FGL1: variants seen among roughly 807,000 people sequenced by gnomAD.
FGL1 encodes fibrinogen like 1, also known as fibrinogen-like protein 1.
Under a neutral mutation model 43.7 loss-of-function variants are expected in FGL1, and 59 were observed. The observed-to-expected ratio is 1.35, with a 90% CI of 1.10 to 1.68. The LOEUF is 1.68. FGL1 is among the 40% of genes most tolerant of loss of function. The probability of loss-of-function intolerance (pLI) is 0.00; values close to 1 mark genes in which losing one functional copy is unlikely to be tolerated. For missense variants in FGL1, 596 were observed against 373.0 expected (o/e 1.60, Z -4.92); for synonymous variants, 192 against 126.5 (o/e 1.52, Z -3.48).
At chr8:17,885,407 C>A in intron 2 of FGL1, 85 bp downstream of exon 2, 3 of 1,145,756 alleles carry the variant, frequency 2.6e-6, no homozygotes, top group Non-Finnish European at 3.8e-6. Context: ...AATGACAAGT[C>A]ACTATAGGTT....
In FGL1 at chr8:17,875,597, C is replaced by A. The variant is rs1231031977; in HGVS notation, c.245-1076G>T. On this transcript the variant is annotated intron_variant, in intron 3 of 7. Transcript: ENST00000427924. ...TCTTTCTTTCTTTCTTTCTTTCTTT[C>A]TTTCTTTCTTTCTTTCTTTTCCTTT... Among the ~76,000 whole-genome samples, 59 of 140,328 alleles carry A rather than the reference C, an allele frequency of 4.2e-4. 4 individuals carry two copies. Among genetic ancestry groups the A allele is most frequent in the Admixed American group, 9.1e-4 (12 of 13,258 alleles). The allele number at this position is 140,328 out of a possible 152,430, so 92.1% of individuals were successfully genotyped here. A position where few individuals can be genotyped will look rare whatever the true frequency, so the allele number is the denominator to read the frequency against.
chr8:17,875,530 T>C (rs1431774113), intron 3 of FGL1, among the ~76,000 whole-genome samples: 333 of 11,984 alleles, frequency 0.028, 18 homozygotes, highest in African/African-American at 0.057. Flanking sequence ...TTTCTTTCTT[T>C]CTTTCTCTTT....
intron 5 of FGL1, among the ~76,000 whole-genome samples, chr8:17,870,768 T>C (rs1217295139): frequency 6.6e-6 from 1 of 151,974 alleles, no homozygotes; most frequent in Non-Finnish European, 1.5e-5. Flanking sequence ...TAGCTGGGCA[T>C]GGTGGCACGT....
chr8:17,895,364 G>C, intron 1 of FGL1, 83 bp downstream of exon 1: 1 of 1,233,814 alleles, frequency 8.1e-7, no homozygotes, highest in Non-Finnish European at 1.0e-6. Context: ...GTTGTTACCT[G>C]AGTTTTGGTT....
At chr8:17,871,361 G>A (rs942444167) in intron 5 of FGL1, among the ~76,000 whole-genome samples, 1 of 151,920 alleles carries the variant, frequency 6.6e-6, no homozygotes, top group African/African-American at 2.4e-5. Context: ...GGGTGTGGTG[G>A]TGTGCGCCTA....
intron 1 of FGL1, among the ~76,000 whole-genome samples, chr8:17,889,057 G>A (rs892875998): frequency 1.3e-5 from 2 of 152,150 alleles, no homozygotes; most frequent in South Asian, 2.1e-4. Flanking sequence ...CAAGCAGCCT[G>A]CGTGGCCTGG....
chr8:17,877,914 C>T (rs868444377), intron 3 of FGL1, among the ~76,000 whole-genome samples: 4 of 152,164 alleles, frequency 2.6e-5, no homozygotes, highest in Admixed American at 2.6e-4. Context: ...CTGGCATTCA[C>T]TGAGTACTTC....
At chr8:17,875,225 AG>A (rs1200928654) in intron 3 of FGL1, among the ~76,000 whole-genome samples, 3 of 152,326 alleles carry the variant, frequency 2.0e-5, no homozygotes, top group Admixed American at 6.5e-5. Context: ...CACAACATGC[AG>A]GTTTGTTACA....
At chr8:17,877,439 C>G (rs760577894) in intron 3 of FGL1, among the ~76,000 whole-genome samples, 6 of 152,094 alleles carry the variant, frequency 3.9e-5, no homozygotes, top group Non-Finnish European at 8.8e-5. Context: ...GCTTTTTCCT[C>G]TTGTCTCAGG....
At position 17,882,170 on chromosome 8, in the gene FGL1, C is replaced by A. The variant is rs1326697039; in HGVS notation, c.73G>T (p.Asp25Tyr). 1.2e-6 allele frequency: 2 copies of A among 1,612,736 alleles called. No homozygotes were observed. Among genetic ancestry groups the A allele is most frequent in the East Asian group, 2.2e-5 (1 of 44,862 alleles). Reference protein sequence around the residue: ...TMGREISALEDCAQEQMRLRA... With the variant: ...TMGREISALEYCAQEQMRLRA... ...AGCCGCATCTGCTCCTGGGCACAGT[C>A]CTCGAGCGCCTGCAAAACAGGTGAG... The change falls in exon 3 of 8, where the codon GAC becomes TAC. Residue 25 changes from aspartate (D) to tyrosine (Y), a missense_variant. By Grantham distance (160) the Asp-to-Tyr change is radical. Coordinates refer to ENST00000427924, the MANE Select transcript of FGL1 (RefSeq NM_004467.4).
At chr8:17,890,685 A>G (rs1281837823) in intron 1 of FGL1, among the ~76,000 whole-genome samples, 1 of 152,156 alleles carries the variant, frequency 6.6e-6, no homozygotes, top group East Asian at 1.9e-4. Flanking sequence ...TAAAGGAAAA[A>G]GGTTTAATTG....
intron 1 of FGL1, among the ~76,000 whole-genome samples, chr8:17,889,348 A>G (rs1179705016): frequency 6.6e-6 from 1 of 152,178 alleles, no homozygotes; most frequent in Non-Finnish European, 1.5e-5. Flanking sequence ...CCAGGAGTTC[A>G]AGACCAGCCT....
At chr8:17,894,775 A>G (rs976994048) in intron 1 of FGL1, among the ~76,000 whole-genome samples, 5 of 146,760 alleles carry the variant, frequency 3.4e-5, no homozygotes, top group Non-Finnish European at 5.9e-5. Flanking sequence ...TGGCTCTTGC[A>G]TAAATGGAAG....
At chr8:17,887,980 A>T (rs1386306731) in intron 1 of FGL1, among the ~76,000 whole-genome samples, 1 of 152,074 alleles carries the variant, frequency 6.6e-6, no homozygotes, top group Admixed American at 6.6e-5. Context: ...TTTAAAATTC[A>T]ATTGTATATT....
chr8:17,868,623 C>G lies in FGL1; in HGVS notation c.704G>C (p.Ser235Thr), dbSNP rs775209138. The G allele has an allele frequency of 6.2e-7, 1 of 1,614,102 alleles. No homozygotes were observed. Among genetic ancestry groups the G allele is most frequent in the Non-Finnish European group, 8.5e-7 (1 of 1,179,992 alleles). ...WWASHQRMKFSTWDRDHDNYE... is the reference protein window; with the variant it reads ...WWASHQRMKFTTWDRDHDNYE... Reference sequence around the variant, plus strand: ...GTTGTCATGATCTCTGTCCCACGTGCTGAATTTCATTCTTTGGTGACTAGC... The same window carrying G: ...GTTGTCATGATCTCTGTCCCACGTGGTGAATTTCATTCTTTGGTGACTAGC... Residue 235 changes from serine to threonine, a missense_variant, in exon 7 of 8, where the codon AGC becomes ACC. By Grantham distance (58) the Ser-to-Thr change is moderately conservative (BLOSUM62 1). Coordinates refer to ENST00000427924, the MANE Select transcript of FGL1 (RefSeq NM_004467.4).
At chr8:17,884,395 A>C (rs1431230133) in intron 2 of FGL1, among the ~76,000 whole-genome samples, 2 of 152,008 alleles carry the variant, frequency 1.3e-5, no homozygotes, top group Non-Finnish European at 2.9e-5. Flanking sequence ...GGGTTTTGCC[A>C]TGTTGCCCAG....
chr8:17,872,349 C>T (rs1319819120), intron 5 of FGL1, among the ~76,000 whole-genome samples: 1 of 129,856 alleles, frequency 7.7e-6, no homozygotes, highest in Non-Finnish European at 1.6e-5. Context: ...GTCACCCAGG[C>T]TGGAGTGGAT....
Position 17,885,524 on chromosome 8 carries a change from T to C in FGL1, c.31A>G (p.Thr11Ala). The stretch of plus-strand genomic sequence containing the variant: ...TCCCTGCCCATTGTCAGAGCGGTGG[T>C]AACAAGGATGAAACTGAACACCTTT... The part of the protein sequence containing the change: MAKVFSFILV[T>A]TALTMGREIS... Residue 11 changes from threonine (T) to alanine (A), a missense_variant, in exon 2 of 8, where the codon ACC becomes GCC. By Grantham distance (58) the Thr-to-Ala change is moderately conservative. Transcript: ENST00000427924. 1 of 1,613,806 alleles carries C rather than the reference T, an allele frequency of 6.2e-7. No individual in the cohort carries two copies. Among genetic ancestry groups the C allele is most frequent in the Non-Finnish European group, 8.5e-7 (1 of 1,179,782 alleles).
chr8:17,892,559 T>A (rs1396677467), intron 1 of FGL1, among the ~76,000 whole-genome samples: 1 of 152,182 alleles, frequency 6.6e-6, no homozygotes, highest in Non-Finnish European at 1.5e-5. Flanking sequence ...CGACATGACA[T>A]AAATACCATT....
Sources: gnomAD v4.1 joint callset for allele counts (sites outside exome capture counted in the v4.1 genomes callset) on GRCh38, gnomAD v4.1.1 for gene constraint, MANE v1.5 for transcripts, NCBI Gene and HGNC (gene_info 2026-07-23, HGNC 2026-07-21) for gene names.